The following LRRTM4 variants were observed in gnomAD, a reference collection of about 807,000 sequenced individuals.
LRRTM4 encodes leucine rich repeat transmembrane neuronal 4.
LRRTM4 carries 25 observed loss-of-function variants against 47.6 expected under a neutral mutation model. That is an observed-to-expected ratio of 0.53 (90% CI 0.38 to 0.73). The LOEUF (loss-of-function observed/expected upper bound fraction) is 0.73. Among genes scored for constraint, LRRTM4 ranks in the 30% least tolerant of loss-of-function variants. LRRTM4 has a pLI of 0.00. For synonymous variants in LRRTM4, 311 were observed against 269.5 expected (o/e 1.15, Z -1.51); for missense variants, 638 against 713.4 (o/e 0.89, Z 1.20).
At chr2:77,466,017 C>T (rs1298394661) in intron 3 of LRRTM4, among the ~76,000 whole-genome samples, 1 of 152,136 alleles carries the variant, frequency 6.6e-6, no homozygotes, top group African/African-American at 2.4e-5. Flanking sequence ...GAGCATAATG[C>T]TTGTCTAACT....
intron 3 of LRRTM4, among the ~76,000 whole-genome samples, chr2:77,108,468 C>A (rs761618478): frequency 6.6e-6 from 1 of 151,394 alleles, no homozygotes; most frequent in African/African-American, 2.4e-5. Flanking sequence ...AAATAAACTG[C>A]AAAAACTATA....
At chr2:77,021,847 A>G (rs577674613) in intron 3 of LRRTM4, among the ~76,000 whole-genome samples, 1 of 152,346 alleles carries the variant, frequency 6.6e-6, no homozygotes, top group South Asian at 2.1e-4. Flanking sequence ...GATTTCATAT[A>G]CACATACATT....
chr2:77,453,237 A>T (rs529462331), intron 3 of LRRTM4, among the ~76,000 whole-genome samples: 11 of 133,226 alleles, frequency 8.3e-5, no homozygotes. Flanking sequence ...GCTGGAGTGC[A>T]GTGGAGCGAT....
At chr2:77,486,270 G>A (rs1677906839) in intron 3 of LRRTM4, among the ~76,000 whole-genome samples, 1 of 152,088 alleles carries the variant, frequency 6.6e-6, no homozygotes, top group Non-Finnish European at 1.5e-5. Flanking sequence ...ATTAACTAAT[G>A]GATTTAGAAA....
chr2:77,084,194 A>G (rs10196956), intron 3 of LRRTM4, among the ~76,000 whole-genome samples: 23,116 of 152,114 alleles, frequency 0.15, 2,615 homozygotes, highest in East Asian at 0.42. Context: ...GAAACTTTCA[A>G]TGAACATTAC....
In LRRTM4 at chr2:77,264,004, T is replaced by C. The variant is rs550444981; in HGVS notation, c.1551+254314A>G. On this transcript the variant is annotated intron_variant, in intron 3 of 3. Transcript: ENST00000409884. Reference sequence around the variant, plus strand: ...GAAAGATATGTTAAACCGAAACTTCTTTAAGTTTTTTTTTTTAATAGAATT... The same window carrying C: ...GAAAGATATGTTAAACCGAAACTTCCTTAAGTTTTTTTTTTTAATAGAATT... 3.3e-5 allele frequency among the ~76,000 whole-genome samples: 5 copies of C among 149,752 alleles called. No individual in the cohort carries two copies. The East Asian group carries it at 1.1e-3, about 33-fold the overall frequency.
chr2:76,798,458 G>A lies in LRRTM4; in HGVS notation c.1552-49542C>T, dbSNP rs1264054879. ...TGGGACGCATTCAAAGCAGTGTGTA[G>A]AGGGAAATTTATAGCACTAAATGCC... On this transcript the variant is annotated intron_variant, in intron 3 of 3. Transcript: ENST00000409884. Among the ~76,000 whole-genome samples the A allele has an allele frequency of 8.6e-5, 13 of 150,532 alleles. 1 individual carries two copies. The Middle Eastern group carries it at 0.01, about 118-fold the overall frequency.
chr2:77,154,323 GAGA>G (rs937575144), intron 3 of LRRTM4, among the ~76,000 whole-genome samples: 1 of 152,102 alleles, frequency 6.6e-6, no homozygotes. Flanking sequence ...ACTCAATAAA[GAGA>G]AGAATTTTAT....
At chr2:76,917,711 G>T (rs1674301727) in intron 3 of LRRTM4, among the ~76,000 whole-genome samples, 1 of 152,134 alleles carries the variant, frequency 6.6e-6, no homozygotes, top group Non-Finnish European at 1.5e-5. Flanking sequence ...AAGAAGAAAT[G>T]AGAAGCAATA....
intron 3 of LRRTM4, among the ~76,000 whole-genome samples, chr2:77,247,420 C>G (rs1374133175): frequency 6.6e-6 from 1 of 151,946 alleles, no homozygotes; most frequent in Non-Finnish European, 1.5e-5. Context: ...TTGTTACATA[C>G]GTGAAAAAAC....
intron 3 of LRRTM4, among the ~76,000 whole-genome samples, chr2:76,902,034 C>A (rs1045770511): frequency 2.6e-5 from 4 of 152,082 alleles, no homozygotes; most frequent in African/African-American, 9.7e-5. Context: ...AGATAGTTTT[C>A]TCAGAATGCA....
chr2:77,355,604 G>C (rs1455626348), intron 3 of LRRTM4, among the ~76,000 whole-genome samples: 1 of 152,086 alleles, frequency 6.6e-6, no homozygotes, highest in East Asian at 1.9e-4. Flanking sequence ...GTATCAAAAT[G>C]TTCAACCAAG....
At position 76,892,948 on chromosome 2, in the gene LRRTM4, A is replaced by C. The variant is rs532241093; in HGVS notation, c.1552-144032T>G. On this transcript the variant is annotated intron_variant, in intron 3 of 3. Coordinates refer to ENST00000409884, the MANE Select transcript of LRRTM4 (RefSeq NM_001134745.3). ...TGGGGATTTTTAAGATTTTCCTACT[A>C]ATGGAGTCAAAATCCCAAAGTGTGA... Among the ~76,000 whole-genome samples the C allele has an allele frequency of 2.6e-5, 4 of 151,394 alleles. No individual in the cohort carries two copies. In the South Asian group the frequency reaches 8.3e-4, roughly 31 times the overall value.
At chr2:77,166,945 A>T (rs978283011) in intron 3 of LRRTM4, among the ~76,000 whole-genome samples, 5 of 152,330 alleles carry the variant, frequency 3.3e-5, no homozygotes, top group Admixed American at 6.5e-5. Flanking sequence ...CGAAAGCCAA[A>T]ATTGACAAAT....
intron 3 of LRRTM4, among the ~76,000 whole-genome samples, chr2:77,026,587 AT>A (rs1393235157): frequency 6.6e-6 from 1 of 152,092 alleles, no homozygotes; most frequent in Middle Eastern, 3.2e-3. Context: ...ATCAGATTCC[AT>A]TTTAATTTTA....
At chr2:76,965,872 G>C (rs1202697765) in intron 3 of LRRTM4, among the ~76,000 whole-genome samples, 2 of 151,322 alleles carry the variant, frequency 1.3e-5, no homozygotes, top group Non-Finnish European at 3.0e-5. Context: ...ATCCCTATAG[G>C]TATATCAATA....
At chr2:77,302,146 A>G (rs1389445548) in intron 3 of LRRTM4, among the ~76,000 whole-genome samples, 1 of 152,198 alleles carries the variant, frequency 6.6e-6, no homozygotes, top group Admixed American at 6.6e-5. Flanking sequence ...CATCACTGCA[A>G]ACTCACATCA....
At chr2:77,333,947 C>T (rs1267159039) in intron 3 of LRRTM4, among the ~76,000 whole-genome samples, 1 of 152,216 alleles carries the variant, frequency 6.6e-6, no homozygotes, top group East Asian at 1.9e-4. Flanking sequence ...ACCATGGGAA[C>T]CCGCCTGTTG....
intron 3 of LRRTM4, among the ~76,000 whole-genome samples, chr2:77,075,464 G>A (rs1182444726): frequency 6.6e-6 from 1 of 152,072 alleles, no homozygotes; most frequent in African/African-American, 2.4e-5. Flanking sequence ...CAGTAATTAG[G>A]AGGATATAGC....
Sources: gnomAD v4.1 joint callset for allele counts (sites outside exome capture counted in the v4.1 genomes callset) on GRCh38, gnomAD v4.1.1 for gene constraint, MANE v1.5 for transcripts, NCBI Gene and HGNC (gene_info 2026-07-23, HGNC 2026-07-21) for gene names.